ACTR3B: variants seen among roughly 807,000 people sequenced by gnomAD.
ACTR3B encodes actin related protein 3B.
A neutral mutation model predicts 59.0 loss-of-function variants in ACTR3B; 8 were observed. That is an observed-to-expected ratio of 0.14 (90% CI 0.08 to 0.24). The LOEUF (loss-of-function observed/expected upper bound fraction) is 0.24. ACTR3B is among the 10% of genes least tolerant of loss of function. The pLI is 1.00. For synonymous variants in ACTR3B, 148 were observed against 197.9 expected, an observed-to-expected ratio of 0.75 and a Z score of 2.12; for missense variants, 245 against 552.3, an observed-to-expected ratio of 0.44 and a Z score of 5.58.
At chr7:152,773,232 T>C (rs1049890968) in intron 1 of ACTR3B, among the ~76,000 whole-genome samples, 1 of 150,836 alleles carries the variant, frequency 6.6e-6, no homozygotes, top group African/African-American at 2.4e-5. Context: ...AAACAAAAAC[T>C]ATGGTAGTTA....
At chr7:152,848,751 A>C (rs1006742277) in intron 9 of ACTR3B, among the ~76,000 whole-genome samples, 6 of 152,308 alleles carry the variant, frequency 3.9e-5, no homozygotes, top group African/African-American at 1.4e-4. Context: ...GTGTGTCTGA[A>C]AGAGTCACCA....
At chr7:152,842,573 T>C (rs958515105) in intron 9 of ACTR3B, among the ~76,000 whole-genome samples, 1 of 38,164 alleles carries the variant, frequency 2.6e-5, no homozygotes, top group Non-Finnish European at 9.5e-5. Context: ...GCGTGTTCTC[T>C]GTTTCCGGCT....
intron 2 of ACTR3B, among the ~76,000 whole-genome samples, chr7:152,784,815 T>G (rs546767967): frequency 0.016 from 2,508 of 152,040 alleles, 23 homozygotes; most frequent in Non-Finnish European, 0.022. Context: ...TCTCTGCTGA[T>G]AAGGCCACCA....
intron 9 of ACTR3B, among the ~76,000 whole-genome samples, chr7:152,831,266 G>A (rs956915100): frequency 2.6e-5 from 4 of 152,218 alleles, no homozygotes; most frequent in African/African-American, 7.2e-5. Context: ...TGTGGATGGC[G>A]GAGCTCTGCC....
At chr7:152,792,726 T>G (rs1471603924) in intron 2 of ACTR3B, among the ~76,000 whole-genome samples, 1 of 151,978 alleles carries the variant, frequency 6.6e-6, no homozygotes, top group Non-Finnish European at 1.5e-5. Flanking sequence ...CCAGCCTGGG[T>G]GACAGAGCGA....
intron 1 of ACTR3B, among the ~76,000 whole-genome samples, chr7:152,771,535 G>A (rs1282421304): frequency 6.6e-6 from 1 of 152,164 alleles, no homozygotes; most frequent in Non-Finnish European, 1.5e-5. Context: ...AGAACAAAGA[G>A]GTCATGGTGA....
chr7:152,835,878 A>G (rs1003469588), intron 9 of ACTR3B, among the ~76,000 whole-genome samples: 1 of 151,940 alleles, frequency 6.6e-6, no homozygotes, highest in South Asian at 2.1e-4. Flanking sequence ...TGTCAGATTC[A>G]TTGCTGACCC....
At chr7:152,773,959 C>T (rs1236865195) in intron 1 of ACTR3B, among the ~76,000 whole-genome samples, 1 of 152,148 alleles carries the variant, frequency 6.6e-6, no homozygotes, top group Non-Finnish European at 1.5e-5. Flanking sequence ...CAACGAGTTC[C>T]AGAGCCTTTA....
intron 1 of ACTR3B, among the ~76,000 whole-genome samples, chr7:152,771,797 C>T (rs1221885691): frequency 6.6e-5 from 10 of 152,132 alleles, no homozygotes; most frequent in African/African-American, 1.2e-4. Context: ...AAAGATAGGC[C>T]GGGCACGGTG....
chr7:152,806,601 C>A (rs148951732), intron 4 of ACTR3B, among the ~76,000 whole-genome samples: 2 of 151,990 alleles, frequency 1.3e-5, no homozygotes, highest in South Asian at 2.1e-4. Flanking sequence ...TCATGATCAC[C>A]AGTTGATTAC....
At chr7:152,795,194 C>A (rs1007779343) in intron 2 of ACTR3B, among the ~76,000 whole-genome samples, 1 of 152,168 alleles carries the variant, frequency 6.6e-6, no homozygotes, top group South Asian at 2.1e-4. Context: ...GCCACCACAC[C>A]CAGCTAATTT....
chr7:152,833,327 GC>G (rs1797177281), intron 9 of ACTR3B, among the ~76,000 whole-genome samples: 1 of 152,218 alleles, frequency 6.6e-6, no homozygotes. Context: ...TATCATAACA[GC>G]CCGTATTTTA....
At chr7:152,791,527 A>G (rs1373455780) in intron 2 of ACTR3B, among the ~76,000 whole-genome samples, 1 of 152,398 alleles carries the variant, frequency 6.6e-6, no homozygotes, top group Non-Finnish European at 1.5e-5. Flanking sequence ...TTGTAGTGCA[A>G]TATTATAACC....
At position 152,784,298 on chromosome 7, in the gene ACTR3B, G is replaced by A. The variant is rs184316785; in HGVS notation, c.100+1056G>A. On this transcript the variant is annotated intron_variant, in intron 2 of 11. Coordinates refer to ENST00000256001, the MANE Select transcript of ACTR3B (RefSeq NM_020445.6). ...TAATAACAGGCTTTGTGAACAGTGG[G>A]GAACGTCGACAGGGAAAAAACAGCT... 2.0e-3 allele frequency among the ~76,000 whole-genome samples: 303 copies of A among 152,270 alleles called. 2 individuals are homozygous for A. Among genetic ancestry groups the A allele is most frequent in the African/African-American group, 7.0e-3 (290 of 41,550 alleles).
chr7:152,782,225 A>G (rs1217769175), intron 1 of ACTR3B, among the ~76,000 whole-genome samples: 1 of 149,300 alleles, frequency 6.7e-6, no homozygotes, highest in African/African-American at 2.5e-5. Flanking sequence ...TAGTTTCAAC[A>G]CTGCTGGTGT....
intron 1 of ACTR3B, among the ~76,000 whole-genome samples, chr7:152,780,622 G>A (rs1027669440): frequency 1.3e-5 from 2 of 151,630 alleles, no homozygotes; most frequent in African/African-American, 4.9e-5. Context: ...TTTTCCTGCT[G>A]TGGGCCATAG....
At chr7:152,801,323 T>C (rs1324086043) in intron 3 of ACTR3B, among the ~76,000 whole-genome samples, 3 of 152,184 alleles carry the variant, frequency 2.0e-5, no homozygotes, top group Non-Finnish European at 4.4e-5. Context: ...CGGGTGAGCC[T>C]CCTGCCTTGG....
At chr7:152,821,725 C>T (rs75675641) in intron 7 of ACTR3B, among the ~76,000 whole-genome samples, 1 of 152,332 alleles carries the variant, frequency 6.6e-6, no homozygotes, top group African/African-American at 2.4e-5. Flanking sequence ...AGAGACTGTT[C>T]ATAGCCTCCG....
Position 152,807,071 on chromosome 7 carries a change from G to C in ACTR3B, c.336+5340G>C, listed in dbSNP as rs188049249. On this transcript the variant is annotated intron_variant, in intron 4 of 11. Transcript: ENST00000256001. ...TCCTGCTTGGCATTGCCATCTTGCT[G>C]CCGTAAGTCTGTCTGTGGATAAAAT... 5.6e-4 allele frequency among the ~76,000 whole-genome samples: 85 copies of C among 152,272 alleles called. No homozygotes were observed. In the East Asian group the frequency reaches 0.015, roughly 27 times the overall value.
Sources: allele counts gnomAD v4.1 joint callset (sites outside exome capture counted in the v4.1 genomes callset), GRCh38; gene constraint gnomAD v4.1.1; transcripts MANE v1.5; gene names NCBI Gene and HGNC (gene_info 2026-07-23, HGNC 2026-07-21).